The following UBR2 variants were observed in gnomAD, a reference collection of about 807,000 sequenced individuals.
UBR2 encodes ubiquitin protein ligase E3 component n-recognin 2.
In UBR2, 92 loss-of-function variants were observed where a neutral mutation model predicts 247.9. The ratio of observed to expected loss-of-function variants is 0.37; its 90% confidence interval spans 0.31 to 0.44. The LOEUF is 0.44. Ranked by LOEUF, UBR2 falls within the 20% of genes least tolerant of loss-of-function variation. UBR2 has a pLI of 1.00. For synonymous variants in UBR2, 672 were observed against 693.5 expected, an observed-to-expected ratio of 0.97 and a Z score of 0.49; for missense variants, 1,613 against 2,112.6, an observed-to-expected ratio of 0.76 and a Z score of 4.64.
At position 42,691,221 on chromosome 6, in the gene UBR2, G is replaced by T. The variant is rs754683997; in HGVS notation, c.*48G>T. ...AAACTTGGATTTTTTTAACCCAGTT[G>T]GCTTTTTAAGAAAGAAAGAAGTTCT... is the stretch of plus-strand genomic sequence containing the variant. On this transcript the variant is annotated 3_prime_UTR_variant, in exon 47 of 47. Transcript: ENST00000372901. 1.1e-5 allele frequency: 17 copies of T among 1,587,334 alleles called. No individual in the cohort carries two copies. Among genetic ancestry groups the T allele is most frequent in the African/African-American group, 1.4e-5 (1 of 72,814 alleles).
At chr6:42,598,113 T>C (rs1174571786) in intron 4 of UBR2, among the ~76,000 whole-genome samples, 1 of 152,044 alleles carries the variant, frequency 6.6e-6, no homozygotes, top group Non-Finnish European at 1.5e-5. Context: ...CTCTTTGCAT[T>C]TGGGGGTGAG....
chr6:42,586,536 CTCTTTTTT>C (rs939257427), intron 2 of UBR2, among the ~76,000 whole-genome samples: 2 of 84,080 alleles, frequency 2.4e-5, no homozygotes, highest in African/African-American at 1.1e-4. Context: ...CAGTTTGTCT[CTCTTTTTT>C]TTTTTTTTTT....
chr6:42,657,901 A>G lies in UBR2; in HGVS notation c.2873-123A>G, dbSNP rs369213861. The G allele has an allele frequency of 1.1e-3, 695 of 637,334 alleles. 2 individuals are homozygous for G. Among genetic ancestry groups the G allele is most frequent in the Middle Eastern group, 6.2e-3 (14 of 2,242 alleles). 39.5% of individuals were successfully genotyped at this position (637,334 alleles called of 1,614,324 possible). The stretch of plus-strand genomic sequence containing the variant: ...AAGTATTGAAAATCTCTATTTTGGT[A>G]GAGCCATAATCAAATTATGGGCAAT... On this transcript the variant is annotated intron_variant, in intron 26 of 46. Transcript: ENST00000372901.
At chr6:42,643,170 C>T (rs1200827268) in intron 18 of UBR2, among the ~76,000 whole-genome samples, 1 of 152,176 alleles carries the variant, frequency 6.6e-6, no homozygotes, top group Non-Finnish European at 1.5e-5. Context: ...GTTTACTCTT[C>T]AGCACCCTAC....
chr6:42,627,004 T>C (rs535192028), intron 11 of UBR2, among the ~76,000 whole-genome samples: 1 of 152,182 alleles, frequency 6.6e-6, no homozygotes, highest in South Asian at 2.1e-4. Context: ...GGAATTGCAA[T>C]AGAGAAAGAG....
chr6:42,585,505 T>A (rs1792196006), intron 2 of UBR2, among the ~76,000 whole-genome samples: 1 of 152,208 alleles, frequency 6.6e-6, no homozygotes, highest in Non-Finnish European at 1.5e-5. Flanking sequence ...TATGTAAAAT[T>A]GGTATGACTT....
At chr6:42,614,770 T>G (rs1342500027) in intron 8 of UBR2, among the ~76,000 whole-genome samples, 1 of 148,640 alleles carries the variant, frequency 6.7e-6, no homozygotes, top group Non-Finnish European at 1.5e-5. Flanking sequence ...AAGAACAATA[T>G]TAAGTGGTTT....
At position 42,659,679 on chromosome 6, in the gene UBR2, T is replaced by TTAC; in HGVS notation, c.3267_3269dup (p.Thr1090dup). 6.2e-7 allele frequency: 1 copy of TTAC among 1,613,866 alleles called. No individual in the cohort carries two copies. Among genetic ancestry groups the TTAC allele is most frequent in the Non-Finnish European group, 8.5e-7 (1 of 1,179,902 alleles). ...AGCCCTGTGGCTTCAGATATGACACTTACAGCACTGGGCCCCGCACAAACT... is the reference window on the plus strand; with the variant it reads ...AGCCCTGTGGCTTCAGATATGACACTTACTACAGCACTGGGCCCCGCACAAACT... On this transcript the variant is annotated inframe_insertion, in exon 30 of 47. Coordinates refer to ENST00000372901, the MANE Select transcript of UBR2 (RefSeq NM_001363705.2). The surrounding 1 kb of genome is among the most constrained non-coding windows in gnomAD (Gnocchi z 4.3).
intron 18 of UBR2, 63 bp from the exon 19 acceptor site, chr6:42,644,151 T>G: frequency 6.5e-7 from 1 of 1,527,812 alleles, no homozygotes. Flanking sequence ...ACTAATTGTT[T>G]CAATAGTGGC....
intron 3 of UBR2, 150 bp from the exon 4 acceptor site, chr6:42,594,041 G>A (rs77681373): frequency 0.013 from 6,758 of 508,018 alleles, 64 homozygotes; most frequent in Non-Finnish European, 0.018. Flanking sequence ...TTAAAACATT[G>A]AGAGGTTTGG....
At chr6:42,572,347 A>G (rs1305144948) in intron 1 of UBR2, among the ~76,000 whole-genome samples, 1 of 152,138 alleles carries the variant, frequency 6.6e-6, no homozygotes, top group Non-Finnish European at 1.5e-5. Flanking sequence ...CATATTTAAA[A>G]TCTCTCTGTA....
intron 11 of UBR2, among the ~76,000 whole-genome samples, chr6:42,620,636 A>G (rs906030150): frequency 2.1e-4 from 31 of 149,922 alleles, no homozygotes; most frequent in African/African-American, 7.6e-4. Context: ...TGTATTTATA[A>G]TAGAGATGGG....
chr6:42,601,992 C>T (rs1793406984), intron 4 of UBR2, among the ~76,000 whole-genome samples: 1 of 97,734 alleles, frequency 1.0e-5, no homozygotes, highest in Non-Finnish European at 2.3e-5. Flanking sequence ...GCCTCAGCCT[C>T]CTAAGTAGCT....
At chr6:42,609,535 T>C (rs1258157301) in intron 7 of UBR2, among the ~76,000 whole-genome samples, 1 of 151,868 alleles carries the variant, frequency 6.6e-6, no homozygotes, top group African/African-American at 2.4e-5. Flanking sequence ...AGAGAAAGGA[T>C]GGAGCAGAGA....
intron 4 of UBR2, among the ~76,000 whole-genome samples, chr6:42,603,026 AC>A (rs902652767): frequency 6.6e-6 from 1 of 152,150 alleles, no homozygotes; most frequent in African/African-American, 2.4e-5. Context: ...TCTCACTCTT[AC>A]GTCTAGTGTA....
intron 2 of UBR2, among the ~76,000 whole-genome samples, chr6:42,585,416 C>T (rs542026522): frequency 2.0e-5 from 3 of 152,138 alleles, no homozygotes; most frequent in East Asian, 1.9e-4. Flanking sequence ...TGTGTTTGTC[C>T]GGTCTTGGTT....
At chr6:42,648,244 T>C in intron 22 of UBR2, 74 bp downstream of exon 22, 1 of 1,217,286 alleles carries the variant, frequency 8.2e-7, no homozygotes, top group South Asian at 1.2e-5. Context: ...AGTGTTTTCT[T>C]TGATGCAACT....
At chr6:42,638,095 T>G (rs889728348) in intron 15 of UBR2, among the ~76,000 whole-genome samples, 4 of 152,228 alleles carry the variant, frequency 2.6e-5, no homozygotes, top group Non-Finnish European at 4.4e-5. Context: ...CCTTAAATGT[T>G]TGACAGAATT....
chr6:42,659,256 G>A lies in UBR2; in HGVS notation c.3243-400G>A, dbSNP rs964307298. On this transcript the variant is annotated intron_variant, in intron 29 of 46. Transcript: ENST00000372901. The surrounding 1 kb of genome is among the most constrained non-coding windows in gnomAD (Gnocchi z 4.3). Reference sequence around the variant, plus strand: ...CACGCCTGTAATCCCAGCACTTCGGGAGGCCAAGGCGGGCGGATCACAAGG... The same window carrying A: ...CACGCCTGTAATCCCAGCACTTCGGAAGGCCAAGGCGGGCGGATCACAAGG... Among the ~76,000 whole-genome samples, 1 of 152,080 alleles carries A rather than the reference G, an allele frequency of 6.6e-6. No individual in the cohort carries two copies. The highest frequency in any genetic ancestry group is 2.4e-5 in the African/African-American group (1 of 41,420).
Sources: gnomAD v4.1 joint callset for allele counts (sites outside exome capture counted in the v4.1 genomes callset) on GRCh38, gnomAD v4.1.1 for gene constraint, Gnocchi (gnomAD v3.1) non-coding constraint, MANE v1.5 for transcripts, NCBI Gene and HGNC (gene_info 2026-07-23, HGNC 2026-07-21) for gene names.